PAPPA2: variants seen among roughly 807,000 people sequenced by gnomAD.
PAPPA2 encodes pappalysin-2.
A neutral mutation model predicts 176.4 loss-of-function variants in PAPPA2; 86 were observed. The ratio of observed to expected loss-of-function variants is 0.49; its 90% CI spans 0.41 to 0.58. The LOEUF (loss-of-function observed/expected upper bound fraction) is 0.58, where lower values mean the gene tolerates loss of function less well. Among genes scored for constraint, PAPPA2 ranks in the 20% least tolerant of loss-of-function variants. The pLI is 0.00. For missense variants in PAPPA2, 2,073 were observed against 2,256.9 expected (o/e 0.92, Z 1.65); for synonymous variants, 809 against 852.2 (o/e 0.95, Z 0.88).
At chr1:176,813,086 C>T (rs1031769895) in intron 21 of PAPPA2, among the ~76,000 whole-genome samples, 1 of 152,174 alleles carries the variant, frequency 6.6e-6, no homozygotes, top group African/African-American at 2.4e-5. Flanking sequence ...ATAATGGCTT[C>T]CAACTCCATC....
Position 176,557,209 on chromosome 1 carries a change from A to AG in PAPPA2, c.890dup (p.Gly298ArgfsTer13), listed in dbSNP as rs1651369804. 1 of 1,606,064 alleles carries AG rather than the reference A, an allele frequency of 6.2e-7. No individual in the cohort carries two copies. Among genetic ancestry groups the AG allele is most frequent in the Non-Finnish European group, 8.5e-7 (1 of 1,176,440 alleles). On this transcript the variant is annotated frameshift_variant, in exon 2 of 23. Coordinates refer to ENST00000367662, the MANE Select transcript of PAPPA2 (RefSeq NM_020318.3). LOFTEE classifies it high-confidence loss of function. ...ACAGTGGAAGCCTGGGTTAAACCGG[A>AG]GGGAGGACAGAACAACCCAGCCATC...
Position 176,702,601 on chromosome 1 carries a change from C to T in PAPPA2, c.3237-6C>T. 1.2e-6 allele frequency: 2 copies of T among 1,613,856 alleles called. No homozygotes were observed. Among genetic ancestry groups the T allele is most frequent in the Non-Finnish European group, 8.5e-7 (1 of 1,179,866 alleles). ...GTAGTGGTCACAAACCCTTTGGTTT[C>T]CACAGGGAGGTCACACCTGGACAGA... On this transcript the variant is annotated splice_polypyrimidine_tract_variant and splice_region_variant and intron_variant, in intron 8 of 22. Coordinates refer to ENST00000367662, the MANE Select transcript of PAPPA2 (RefSeq NM_020318.3).
At chr1:176,479,014 C>T (rs114687977) in intron 1 of PAPPA2, among the ~76,000 whole-genome samples, 193 of 152,202 alleles carry the variant, frequency 1.3e-3, no homozygotes, top group Middle Eastern at 3.4e-3. Context: ...ATTAATCCAT[C>T]GATGAGGATA....
chr1:176,490,509 A>G (rs1191088330), intron 1 of PAPPA2, among the ~76,000 whole-genome samples: 1 of 152,198 alleles, frequency 6.6e-6, no homozygotes, highest in African/African-American at 2.4e-5. Flanking sequence ...ATACAAATGT[A>G]GAATCATAAA....
At chr1:176,819,641 T>A (rs1204610201) in intron 21 of PAPPA2, among the ~76,000 whole-genome samples, 1 of 152,258 alleles carries the variant, frequency 6.6e-6, no homozygotes, top group African/African-American at 2.4e-5. Flanking sequence ...ATCATCATTG[T>A]CATCCCCGTG....
chr1:176,511,779 T>G lies in PAPPA2; in HGVS notation c.-916-43628T>G, dbSNP rs139628491. ...ATCCAATTTTTCCGGGCTTCTGACA[T>G]TGGCACTCCTGGTTCTCAGACCTTC... is the stretch of plus-strand genomic sequence containing the variant. On this transcript the variant is annotated intron_variant, in intron 1 of 22. Coordinates refer to ENST00000367662, the MANE Select transcript of PAPPA2 (RefSeq NM_020318.3). Among the ~76,000 whole-genome samples, 608 of 152,244 alleles carry G rather than the reference T, an allele frequency of 4.0e-3. 5 individuals carry two copies. The highest frequency in any genetic ancestry group is 0.014 in the African/African-American group (588 of 41,556).
At chr1:176,545,905 A>G (rs977488422) in intron 1 of PAPPA2, among the ~76,000 whole-genome samples, 1 of 152,150 alleles carries the variant, frequency 6.6e-6, no homozygotes, top group African/African-American at 2.4e-5. Flanking sequence ...TTCTTAATGC[A>G]CACATGGGTC....
At chr1:176,643,149 A>T (rs1350037486) in intron 3 of PAPPA2, among the ~76,000 whole-genome samples, 5 of 151,902 alleles carry the variant, frequency 3.3e-5, no homozygotes, top group South Asian at 2.1e-4. Context: ...CTTCACATCA[A>T]CCAGGAGAGT....
rs1651646771 is a variant in PAPPA2 at position 176,466,875 on chromosome 1, C to T, written c.-917+3457C>T. 3.3e-5 allele frequency among the ~76,000 whole-genome samples: 5 copies of T among 152,186 alleles called. No individual in the cohort carries two copies. In the South Asian group the frequency reaches 1.0e-3, roughly 32 times the overall value. On this transcript the variant is annotated intron_variant, in intron 1 of 22. Transcript: ENST00000367662. ...GCCAAGGGCAACTTCCCTCTGGACT[C>T]CACAGTGAAATTCTGGTGTTAGGCT...
At chr1:176,617,932 A>G (rs956076706) in intron 3 of PAPPA2, among the ~76,000 whole-genome samples, 3 of 152,120 alleles carry the variant, frequency 2.0e-5, no homozygotes, top group African/African-American at 7.2e-5. Context: ...AGGACATCTT[A>G]TTGGTTGAAA....
intron 2 of PAPPA2, among the ~76,000 whole-genome samples, chr1:176,579,017 C>T (rs1652810320): frequency 6.6e-6 from 1 of 152,076 alleles, no homozygotes; most frequent in African/African-American, 2.4e-5. Context: ...ACTTTTCCCC[C>T]TCATTAGGGT....
At chr1:176,576,631 T>C (rs1652660464) in intron 2 of PAPPA2, among the ~76,000 whole-genome samples, 1 of 152,120 alleles carries the variant, frequency 6.6e-6, no homozygotes, top group African/African-American at 2.4e-5. Flanking sequence ...AGGAAACAGA[T>C]TGTGGTCTGC....
Position 176,789,931 on chromosome 1 carries a change from G to C in PAPPA2, c.4838G>C (p.Ser1613Thr). ...EGMYECTNGF[S>T]LDSQCVLNCN... ...ATGTATGAATGTACCAATGGCTTCA[G>C]CCTGGACAGCCAGTGTGTGCTCAAC... The change falls in exon 18 of 23, where the codon AGC (serine) becomes ACC (threonine). Residue 1613 changes from serine to threonine, a missense_variant. This residue lies in a region of PAPPA2 where 846 missense variants were observed against 857.9 expected (regional missense o/e 0.99). Coordinates refer to ENST00000367662, the MANE Select transcript of PAPPA2 (RefSeq NM_020318.3). The C allele has an allele frequency of 4.3e-6, 7 of 1,614,154 alleles. No homozygotes were observed. Among genetic ancestry groups the C allele is most frequent in the Non-Finnish European group, 5.9e-6 (7 of 1,180,006 alleles).
intron 2 of PAPPA2, among the ~76,000 whole-genome samples, chr1:176,564,913 C>A (rs1651875474): frequency 6.6e-6 from 1 of 151,974 alleles, no homozygotes; most frequent in Non-Finnish European, 1.5e-5. Flanking sequence ...AATGCTGTAC[C>A]CATTAGCCCT....
chr1:176,482,361 A>G (rs1453362054), intron 1 of PAPPA2, among the ~76,000 whole-genome samples: 5 of 152,146 alleles, frequency 3.3e-5, no homozygotes, highest in Non-Finnish European at 7.4e-5. Context: ...GAGTTAGGAG[A>G]CCTGTCTTAT....
intron 14 of PAPPA2, among the ~76,000 whole-genome samples, chr1:176,741,849 C>A (rs1258116278): frequency 6.6e-6 from 1 of 151,676 alleles, no homozygotes; most frequent in Non-Finnish European, 1.5e-5. Flanking sequence ...GAATTATGGC[C>A]TCTCTCTCAT....
At chr1:176,639,803 G>A (rs1656961742) in intron 3 of PAPPA2, among the ~76,000 whole-genome samples, 1 of 151,332 alleles carries the variant, frequency 6.6e-6, no homozygotes, top group Admixed American at 6.6e-5. Context: ...CAACCTCCGG[G>A]AGGAATGCTG....
chr1:176,662,267 A>T (rs1658398497), intron 3 of PAPPA2, among the ~76,000 whole-genome samples: 1 of 152,176 alleles, frequency 6.6e-6, no homozygotes, highest in African/African-American at 2.4e-5. Context: ...TAACTTCATA[A>T]AGTTGTTATG....
chr1:176,599,202 TAC>T (rs905488463), intron 3 of PAPPA2, among the ~76,000 whole-genome samples: 102 of 136,432 alleles, frequency 7.5e-4, no homozygotes, highest in African/African-American at 2.4e-3. Context: ...TATATATATA[TAC>T]ACACACACAC....
Sources: gnomAD v4.1 joint callset for allele counts (sites outside exome capture counted in the v4.1 genomes callset) on GRCh38, gnomAD v4.1.1 for gene constraint, gnomAD v4.1.1 regional missense constraint, MANE v1.5 for transcripts, NCBI Gene and HGNC (gene_info 2026-07-23, HGNC 2026-07-21) for gene names.